Variants in PARP10 observed in about 807,000 individuals in gnomAD.
The protein encoded by PARP10 is protein mono-ADP-ribosyltransferase PARP10.
Under a neutral mutation model 82.4 loss-of-function variants are expected in PARP10, and 56 were observed. The observed-to-expected ratio is 0.68, with a 90% CI of 0.55 to 0.85. The LOEUF is 0.85. Ranked by LOEUF, PARP10 falls within the 40% of genes least tolerant of loss-of-function variation. The pLI is 0.00. For synonymous variants in PARP10, 576 were observed against 601.1 expected (o/e 0.96, Z 0.61); for missense variants, 1,227 against 1,379.4 (o/e 0.89, Z 1.75).
rs1211929104 is a variant in PARP10 at position 143,977,546 on chromosome 8, G to C, written c.3016C>G (p.His1006Asp). 19 of 1,566,124 alleles carry C rather than the reference G, an allele frequency of 1.2e-5. No homozygotes were observed. Among genetic ancestry groups the C allele is most frequent in the Non-Finnish European group, 1.4e-5 (16 of 1,155,850 alleles). ...ALPTHLITCE[H>D]VPRASPDDPS... ...TCGTCGGGGGAAGCGCGGGGCACGT[G>C]CTCGCAGGTGATGAGGTGGGTGGGC... Residue 1006 changes from histidine (H) to aspartate (D), a missense_variant, in exon 11 of 11, where the codon CAC becomes GAC. By Grantham distance (81) the His-to-Asp change is moderately conservative. Coordinates refer to ENST00000313028, the MANE Select transcript of PARP10 (RefSeq NM_032789.5).
rs1289723067 is a variant in PARP10 at position 143,984,198 on chromosome 8, C to G, written c.1680+12G>C. On this transcript the variant is annotated intron_variant, in intron 6 of 10. Coordinates refer to ENST00000313028, the MANE Select transcript of PARP10 (RefSeq NM_032789.5). The stretch of plus-strand genomic sequence containing the variant: ...GAGAAAGGGGAGGGCAGGGGTGGGA[C>G]TCCATCTCTACCTCTTCAAGGCCTG... The G allele has an allele frequency of 6.2e-7, 1 of 1,607,020 alleles. No individual in the cohort carries two copies. Among genetic ancestry groups the G allele is most frequent in the Non-Finnish European group, 8.5e-7 (1 of 1,174,424 alleles).
chr8:143,992,265 G>A (rs538211784), upstream of PARP10: 3 of 1,600,704 alleles, frequency 1.9e-6, no homozygotes, highest in Non-Finnish European at 8.5e-7. Flanking sequence ...CCGCCAGCCT[G>A]TCGTACATGG....
At chr8:143,995,629 T>C (rs1834159242), upstream of PARP10, among the ~76,000 whole-genome samples, 1 of 152,074 alleles carries the variant, frequency 6.6e-6, no homozygotes, top group Non-Finnish European at 1.5e-5. Context: ...GCTGATCTGG[T>C]CCTATCTTGT....
At position 144,008,726 on chromosome 8, in the gene PARP10, C is replaced by A. The variant is rs1326546156; in HGVS notation, c.-80+3804G>T. On this transcript the variant is annotated intron_variant, in intron 1 of 3. Coordinates refer to the PARP10 transcript ENST00000530478. The surrounding 1 kb of genome is among the most constrained non-coding windows in gnomAD (Gnocchi z 4.0). ...GTGTCTCTCACTCCCCAGACTCTAG[C>A]CCCCAGACATGTCATCCAAATGGAT... is the stretch of plus-strand genomic sequence containing the variant. 7.9e-5 allele frequency among the ~76,000 whole-genome samples: 12 copies of A among 152,164 alleles called. No individual in the cohort carries two copies. The highest frequency in any genetic ancestry group is 2.9e-4 in the African/African-American group (12 of 41,430).
At chr8:143,998,390 T>G (rs1255967640) in intron 1 of PARP10, among the ~76,000 whole-genome samples, 1 of 152,180 alleles carries the variant, frequency 6.6e-6, no homozygotes, top group Non-Finnish European at 1.5e-5. Context: ...TGGTTGAAGG[T>G]AATCAGACAA....
At chr8:144,000,134 T>C (rs1057388100) in intron 1 of PARP10, among the ~76,000 whole-genome samples, 1 of 152,156 alleles carries the variant, frequency 6.6e-6, no homozygotes, top group African/African-American at 2.4e-5. Context: ...GTGAGGTAAA[T>C]TGTGCCCCCA....
In PARP10 at chr8:143,985,821, C is replaced by T. The variant is rs782180105; in HGVS notation, c.336G>A (p.Leu112=). 1 of 1,611,680 alleles carries T rather than the reference C, an allele frequency of 6.2e-7. No individual in the cohort carries two copies. The highest frequency in any genetic ancestry group is 2.2e-5 in the East Asian group (1 of 44,886). Residue 112 remains leucine, a synonymous_variant, in exon 3 of 11, where the codon TTG becomes TTA. Coordinates refer to ENST00000313028, the MANE Select transcript of PARP10 (RefSeq NM_032789.5). ...PQRLEQHVQA[L]LRASGLPVQP... The stretch of plus-strand genomic sequence containing the variant: ...GTACTGGGAGCCCCGAGGCCCGCAG[C>T]AAGGCCTGGACATGCTGCTCCAAGC...
intron 1 of PARP10, among the ~76,000 whole-genome samples, chr8:143,999,257 A>G (rs1303467713): frequency 2.0e-5 from 3 of 151,824 alleles, no homozygotes; most frequent in Non-Finnish European, 4.4e-5. Context: ...GCTGGAGTGC[A>G]GTGGCACAAT....
At chr8:143,990,675 CTGT>C (rs1275675714), upstream of PARP10, 1 of 152,140 alleles carries the variant, frequency 6.6e-6, no homozygotes, top group African/African-American at 2.4e-5. The surrounding 1 kb of genome is among the most constrained non-coding windows in gnomAD (Gnocchi z 5.6). Flanking sequence ...CCGTTGGGCC[CTGT>C]TGTTGGGCTC....
upstream of PARP10, among the ~76,000 whole-genome samples, chr8:143,994,386 C>T (rs78132042): frequency 0.032 from 4,833 of 152,246 alleles, 273 homozygotes; most frequent in African/African-American, 0.11. Flanking sequence ...TCGCCTGCCC[C>T]GCCCTCCACC....
chr8:143,992,139 C>T (rs879966610), upstream of PARP10: 6 of 1,602,298 alleles, frequency 3.7e-6, no homozygotes, highest in South Asian at 1.1e-5. Flanking sequence ...CACGCCCACT[C>T]TTCCGGGCCT....
In PARP10 at chr8:143,980,280, A is replaced by G. The variant is rs189209865; in HGVS notation, c.2557-2199T>C. Among the ~76,000 whole-genome samples, 482 of 132,502 alleles carry G rather than the reference A, an allele frequency of 3.6e-3. 2 individuals carry two copies. The highest frequency in any genetic ancestry group is 0.012 in the African/African-American group (439 of 35,540). 86.9% of individuals were successfully genotyped at this position (132,502 alleles called of 152,430 possible). On this transcript the variant is annotated intron_variant, in intron 9 of 10. Coordinates refer to ENST00000313028, the MANE Select transcript of PARP10 (RefSeq NM_032789.5). ...GCTTGCAGTGAGCTGAGATTGCACC[A>G]CTGCACTCCAGCCTGGGCTACTGAG...
At position 143,978,104 on chromosome 8, in the gene PARP10, G is replaced by C. The variant is rs782647673; in HGVS notation, c.2557-23C>G. The stretch of plus-strand genomic sequence containing the variant: ...CACCTGCGGGGAAGGCCCGGGCCAG[G>C]ATTAAACACCCTCCCTACGCCCTGG... On this transcript the variant is annotated intron_variant, in intron 9 of 10. Transcript: ENST00000313028. The C allele has an allele frequency of 3.6e-5, 54 of 1,480,162 alleles. No homozygotes were observed. In the African/African-American group the frequency reaches 4.9e-4, roughly 13 times the overall value. 91.7% of individuals were successfully genotyped at this position (1,480,162 alleles called of 1,614,324 possible).
At chr8:144,002,406 T>G (rs57045990) in intron 1 of PARP10, among the ~76,000 whole-genome samples, 67,323 of 151,890 alleles carry the variant, frequency 0.44, 15,955 homozygotes, top group African/African-American at 0.6. Flanking sequence ...AATCCCAACA[T>G]AATTCAATAA....
rs142928057 is a variant in PARP10, at chr8:144,001,482, G to A, written c.-80+11048C>T. Among the ~76,000 whole-genome samples, 124 of 152,226 alleles carry A rather than the reference G, an allele frequency of 8.1e-4. No individual in the cohort carries two copies. In the Middle Eastern group the frequency reaches 0.01, roughly 13 times the overall value. ...AGCACTTTGGGAGGCCGAGGCAGGC[G>A]GACCACTTGAGGTCAGGAGTTCAAG... is the stretch of plus-strand genomic sequence containing the variant. On this transcript the variant is annotated intron_variant, in intron 1 of 3. Coordinates refer to the PARP10 transcript ENST00000530478.
upstream of PARP10, among the ~76,000 whole-genome samples, chr8:143,994,903 T>C (rs1554751159): frequency 6.6e-6 from 1 of 152,116 alleles, no homozygotes; most frequent in Non-Finnish European, 1.5e-5. Context: ...CAGGATTTTA[T>C]ACGAAAGAGG....
At chr8:143,993,016 C>T (rs990062071), upstream of PARP10, 4 of 614,746 alleles carry the variant, frequency 6.5e-6, no homozygotes, top group East Asian at 2.8e-5. Flanking sequence ...CATTTGGACC[C>T]GCTGTGGCCA....
rs1367650005 is a variant in PARP10, at chr8:143,978,100, C to T, written c.2557-19G>A. On this transcript the variant is annotated intron_variant, in intron 9 of 10. Coordinates refer to ENST00000313028, the MANE Select transcript of PARP10 (RefSeq NM_032789.5). ...GCTCCACCTGCGGGGAAGGCCCGGG[C>T]CAGGATTAAACACCCTCCCTACGCC... 2.7e-6 allele frequency: 4 copies of T among 1,488,356 alleles called. No homozygotes were observed. Among genetic ancestry groups the T allele is most frequent in the Non-Finnish European group, 3.6e-6 (4 of 1,119,994 alleles). 92.2% of individuals were successfully genotyped at this position (1,488,356 alleles called of 1,614,324 possible).
intron 1 of PARP10, among the ~76,000 whole-genome samples, chr8:143,998,229 G>T (rs1834176870): frequency 6.6e-6 from 1 of 152,186 alleles, no homozygotes; most frequent in Non-Finnish European, 1.5e-5. Context: ...AGGAGACAGG[G>T]ATTCTCATTC....
Sources: gnomAD v4.1 joint callset for allele counts (sites outside exome capture counted in the v4.1 genomes callset) on GRCh38, gnomAD v4.1.1 for gene constraint, Gnocchi (gnomAD v3.1) non-coding constraint, MANE v1.5 for transcripts, NCBI Gene and HGNC (gene_info 2026-07-23, HGNC 2026-07-21) for gene names.